The following RPH3A variants were observed in gnomAD, a reference collection of about 807,000 sequenced individuals.
RPH3A encodes rabphilin 3A.
In RPH3A, 48 loss-of-function variants were observed where a neutral mutation model predicts 102.2. The ratio of observed to expected loss-of-function variants is 0.47; its 90% CI spans 0.37 to 0.60. RPH3A has a LOEUF of 0.60. RPH3A is among the 20% of genes least tolerant of loss of function. The pLI is 0.00. For synonymous variants in RPH3A, 310 were observed against 324.3 expected, an observed-to-expected ratio of 0.96 and a Z score of 0.47; for missense variants, 781 against 910.1, an observed-to-expected ratio of 0.86 and a Z score of 1.83.
At chr12:112,796,324 C>G (rs1212678790) in intron 2 of RPH3A, among the ~76,000 whole-genome samples, 1 of 152,166 alleles carries the variant, frequency 6.6e-6, no homozygotes, top group Non-Finnish European at 1.5e-5. Context: ...AGCCTTCCTT[C>G]CCTTCCCTGG....
intron 10 of RPH3A, among the ~76,000 whole-genome samples, chr12:112,872,120 C>T (rs539939640): frequency 3.9e-5 from 6 of 152,214 alleles, no homozygotes; most frequent in South Asian, 4.1e-4. Flanking sequence ...ACCACCATTC[C>T]GTTTTCCATG....
intron 2 of RPH3A, among the ~76,000 whole-genome samples, chr12:112,821,307 A>G (rs2041774330): frequency 6.6e-6 from 1 of 152,196 alleles, no homozygotes; most frequent in Non-Finnish European, 1.5e-5. Flanking sequence ...CATATTTGAG[A>G]TGGAATAGAA....
intron 2 of RPH3A, among the ~76,000 whole-genome samples, chr12:112,825,289 C>T (rs1353638123): frequency 6.6e-6 from 1 of 152,164 alleles, no homozygotes; most frequent in East Asian, 1.9e-4. Context: ...AATAGCTTTA[C>T]TGTAAGGGAT....
At chr12:112,860,734 T>C (rs1272475297) in intron 5 of RPH3A, among the ~76,000 whole-genome samples, 1 of 152,210 alleles carries the variant, frequency 6.6e-6, no homozygotes, top group Non-Finnish European at 1.5e-5. Flanking sequence ...TAGCTGTGGC[T>C]GAGTGACCCA....
chr12:112,657,919 G>A (rs1195740142), intron 1 of RPH3A, among the ~76,000 whole-genome samples: 1 of 152,070 alleles, frequency 6.6e-6, no homozygotes, highest in African/African-American at 2.4e-5. Flanking sequence ...TGGATAAGGG[G>A]AAGAGCATTC....
chr12:112,654,760 G>A (rs890154397), intron 1 of RPH3A, among the ~76,000 whole-genome samples: 12 of 152,158 alleles, frequency 7.9e-5, no homozygotes, highest in African/African-American at 2.7e-4. Context: ...ATCCTCAGAT[G>A]GTAGGTCTTA....
chr12:112,597,128 G>A (rs937006952), intron 1 of RPH3A, among the ~76,000 whole-genome samples: 1 of 152,144 alleles, frequency 6.6e-6, no homozygotes, highest in Non-Finnish European at 1.5e-5. Context: ...GCTTGGAACT[G>A]TACACACCAA....
At chr12:112,727,080 G>A (rs1331379714) in intron 1 of RPH3A, among the ~76,000 whole-genome samples, 1 of 151,820 alleles carries the variant, frequency 6.6e-6, no homozygotes, top group Non-Finnish European at 1.5e-5. Context: ...TGGGAACTAA[G>A]GCTTTCTCAG....
chr12:112,686,949 A>T (rs917713568), intron 1 of RPH3A, among the ~76,000 whole-genome samples: 2 of 152,160 alleles, frequency 1.3e-5, no homozygotes, highest in African/African-American at 4.8e-5. Flanking sequence ...TCTCTGCCAA[A>T]ATAAAAAGTA....
At chr12:112,811,815 C>T (rs2041581566) in intron 2 of RPH3A, among the ~76,000 whole-genome samples, 1 of 152,122 alleles carries the variant, frequency 6.6e-6, no homozygotes, top group Admixed American at 6.5e-5. Flanking sequence ...TGATTGCAAA[C>T]CTTACTCAAA....
At chr12:112,706,635 A>G (rs2040429077) in intron 1 of RPH3A, among the ~76,000 whole-genome samples, 4 of 152,222 alleles carry the variant, frequency 2.6e-5, no homozygotes, top group Admixed American at 2.0e-4. Flanking sequence ...CTAGGTGAAG[A>G]TGGTGGATGG....
chr12:112,867,235 A>T (rs2042626845), intron 7 of RPH3A, among the ~76,000 whole-genome samples: 5 of 139,816 alleles, frequency 3.6e-5, no homozygotes, highest in East Asian at 4.1e-4. Flanking sequence ...CCCTTTCCTC[A>T]TTTTGTTATT....
chr12:112,657,964 C>T (rs1023316019), intron 1 of RPH3A, among the ~76,000 whole-genome samples: 1 of 151,940 alleles, frequency 6.6e-6, no homozygotes, highest in Non-Finnish European at 1.5e-5. Context: ...AAGGTGGGTG[C>T]CTCCCTGCTG....
At chr12:112,687,659 T>G (rs567803951) in intron 1 of RPH3A, among the ~76,000 whole-genome samples, 1 of 152,314 alleles carries the variant, frequency 6.6e-6, no homozygotes, top group Admixed American at 6.5e-5. Flanking sequence ...TGATGACCCA[T>G]GTCCATTCCC....
chr12:112,577,451 A>G (rs939940859), intron 1 of RPH3A, among the ~76,000 whole-genome samples: 1 of 152,188 alleles, frequency 6.6e-6, no homozygotes, highest in Non-Finnish European at 1.5e-5. Context: ...TATAATGAGC[A>G]GTGAGGATGA....
intron 1 of RPH3A, among the ~76,000 whole-genome samples, chr12:112,577,420 G>C (rs958902385): frequency 6.6e-6 from 1 of 152,144 alleles, no homozygotes; most frequent in African/African-American, 2.4e-5. Flanking sequence ...CTCTTAGCAT[G>C]GTAATGCATT....
At chr12:112,687,958 C>T (rs2040278945) in intron 1 of RPH3A, among the ~76,000 whole-genome samples, 1 of 152,174 alleles carries the variant, frequency 6.6e-6, no homozygotes, top group Admixed American at 6.5e-5. Context: ...AACAATCATG[C>T]TGTGGTCTAC....
intron 1 of RPH3A, among the ~76,000 whole-genome samples, chr12:112,721,225 A>G (rs1157821267): frequency 1.3e-5 from 2 of 152,192 alleles, no homozygotes; most frequent in African/African-American, 4.8e-5. Context: ...GATATGAACT[A>G]GACATCTACT....
intron 1 of RPH3A, among the ~76,000 whole-genome samples, chr12:112,615,079 G>C (rs2039668524): frequency 6.6e-6 from 1 of 152,112 alleles, no homozygotes; most frequent in African/African-American, 2.4e-5. Context: ...ACTTTATACT[G>C]GGGGCTTATA....
Sources: allele counts gnomAD v4.1 joint callset (sites outside exome capture counted in the v4.1 genomes callset), GRCh38; gene constraint gnomAD v4.1.1; transcripts MANE v1.5; gene names NCBI Gene and HGNC (gene_info 2026-07-23, HGNC 2026-07-21).